ZFR2: variants seen among roughly 807,000 people sequenced by gnomAD.
ZFR2 encodes zinc finger RNA binding protein 2.
Under a neutral mutation model 105.7 loss-of-function variants are expected in ZFR2, and 104 were observed. The ratio of observed to expected loss-of-function variants is 0.98; its 90% confidence interval spans 0.84 to 1.16. The LOEUF (loss-of-function observed/expected upper bound fraction) is 1.16, where lower values mean the gene tolerates loss of function less well. Ranked by LOEUF, ZFR2 falls within the 50% of genes most tolerant of loss-of-function variation. The pLI, the probability that ZFR2 is intolerant of heterozygous loss-of-function variation, is 0.00. For missense variants in ZFR2, 1,425 were observed against 1,355.5 expected, an observed-to-expected ratio of 1.05 and a Z score of -0.80; for synonymous variants, 634 against 597.7, an observed-to-expected ratio of 1.06 and a Z score of -0.89.
chr19:3,831,896 G>A lies in ZFR2; in HGVS notation c.380-18C>T, dbSNP rs2038021496. 2 of 1,525,006 alleles carry A rather than the reference G, an allele frequency of 1.3e-6. No individual in the cohort carries two copies. Among genetic ancestry groups the A allele is most frequent in the Non-Finnish European group, 1.8e-6 (2 of 1,141,278 alleles). The allele number at this position is 1,525,006 out of a possible 1,614,324, so 94.5% of individuals were successfully genotyped here. On this transcript the variant is annotated intron_variant, in intron 3 of 18. Transcript: ENST00000262961. ...TTGGGTCCCTAGGGGACAGGGACAG[G>A]CCCTCTGCAGAGCCAACCCCCACCC...
Position 3,822,071 on chromosome 19 carries a change from C to CT in ZFR2, c.1491+9dup, listed in dbSNP as rs1568421477. 6.3e-7 allele frequency: 1 copy of CT among 1,591,518 alleles called. No individual in the cohort carries two copies. ...CGGACGGGTGTCGGAGCTCCCCCTG[C>CT]TGGACGCACCCGGTACTGCAGCCGG... is the stretch of plus-strand genomic sequence containing the variant. On this transcript the variant is annotated intron_variant, in intron 9 of 18. Coordinates refer to ENST00000262961, the MANE Select transcript of ZFR2 (RefSeq NM_015174.2).
intron 17 of ZFR2, among the ~76,000 whole-genome samples, chr19:3,808,238 CGT>C (rs965995241): frequency 4.6e-5 from 7 of 151,924 alleles, no homozygotes; most frequent in Admixed American, 6.6e-5. Flanking sequence ...TGCGTGTGCC[CGT>C]GTGTGCAAGT....
In ZFR2 at chr19:3,823,652, C is replaced by T. The variant is rs896143622; in HGVS notation, c.1214-249G>A. On this transcript the variant is annotated intron_variant, in intron 7 of 18. Coordinates refer to ENST00000262961, the MANE Select transcript of ZFR2 (RefSeq NM_015174.2). The surrounding 1 kb of genome is among the most constrained non-coding windows in gnomAD (Gnocchi z 5.4). Reference sequence around the variant, plus strand: ...GGGAGAAGCCCTGGTTTTAGGCCCTCGCTTGAGGAACCCACCGACAGCACA... The same window carrying T: ...GGGAGAAGCCCTGGTTTTAGGCCCTTGCTTGAGGAACCCACCGACAGCACA... Among the ~76,000 whole-genome samples the T allele has an allele frequency of 2.0e-5, 3 of 152,144 alleles. No individual in the cohort carries two copies. The highest frequency in any genetic ancestry group is 4.4e-5 in the Non-Finnish European group (3 of 68,028).
intron 1 of ZFR2, among the ~76,000 whole-genome samples, chr19:3,859,435 G>A (rs1395446089): frequency 6.6e-6 from 1 of 152,216 alleles, no homozygotes; most frequent in East Asian, 1.9e-4. Flanking sequence ...GTGACCGTGT[G>A]AGTCACTTCT....
intron 1 of ZFR2, among the ~76,000 whole-genome samples, chr19:3,868,646 C>T (rs2038462613): frequency 6.6e-6 from 1 of 151,772 alleles, no homozygotes; most frequent in Non-Finnish European, 1.5e-5. Context: ...AGGGGCTGAC[C>T]CCCCCGACCC....
At chr19:3,836,499 T>C (rs184958685) in intron 1 of ZFR2, among the ~76,000 whole-genome samples, 1 of 152,056 alleles carries the variant, frequency 6.6e-6, no homozygotes, top group South Asian at 2.1e-4. Context: ...TTTAAAAAAT[T>C]TTGGTAGAGG....
At chr19:3,809,377 G>A (rs2037737213) in intron 16 of ZFR2, among the ~76,000 whole-genome samples, 1 of 152,148 alleles carries the variant, frequency 6.6e-6, no homozygotes, top group African/African-American at 2.4e-5. Flanking sequence ...AGTGTCAGGT[G>A]CACTGTCCAC....
chr19:3,840,126 C>A (rs1459818972), intron 1 of ZFR2, among the ~76,000 whole-genome samples: 4 of 152,216 alleles, frequency 2.6e-5, no homozygotes, highest in African/African-American at 9.6e-5. Context: ...TTCTTCCCTA[C>A]GCTGTCCTCC....
intron 1 of ZFR2, among the ~76,000 whole-genome samples, chr19:3,862,344 C>T (rs2038382956): frequency 6.6e-6 from 1 of 152,208 alleles, no homozygotes; most frequent in African/African-American, 2.4e-5. Context: ...GTTGCCCAGG[C>T]TGGAGTGCAA....
chr19:3,866,681 G>C lies in ZFR2; in HGVS notation c.53+2284C>G, dbSNP rs374644844. On this transcript the variant is annotated intron_variant, in intron 1 of 18. Transcript: ENST00000262961. ...TGGAAGAATACAATGGAGAAAGAAA[G>C]AAGAGAAAGAGAAAAGAAGGAAGAG... Among the ~76,000 whole-genome samples, 7 of 152,294 alleles carry C rather than the reference G, an allele frequency of 4.6e-5. No homozygotes were observed. In the South Asian group the frequency reaches 1.4e-3, roughly 32 times the overall value.
chr19:3,819,101 G>A lies in ZFR2; in HGVS notation c.1875C>T (p.Ser625=), dbSNP rs370654631. The change falls in exon 12 of 19, where the codon TCC becomes TCT. Residue 625 remains serine (S), a synonymous_variant. Coordinates refer to ENST00000262961, the MANE Select transcript of ZFR2 (RefSeq NM_015174.2). ...SHAERALKLV[S]DTLAEEDRGR... ...CCCGGTCCTCCTCGGCCAGTGTGTC[G>A]GACACCAGCTTGAGGGCCCGCTCTG... The A allele has an allele frequency of 8.1e-6, 13 of 1,612,134 alleles. No homozygotes were observed. Among genetic ancestry groups the A allele is most frequent in the African/African-American group, 2.7e-5 (2 of 74,902 alleles).
chr19:3,817,801 C>T (rs372824737), intron 12 of ZFR2, among the ~76,000 whole-genome samples: 7 of 149,940 alleles, frequency 4.7e-5, no homozygotes, highest in South Asian at 2.1e-4. Flanking sequence ...GCTTCCTGGG[C>T]GCTCCTTGTA....
At chr19:3,807,145 AC>A in intron 18 of ZFR2, 26 bp downstream of exon 18, 11 of 1,526,292 alleles carry the variant, frequency 7.2e-6, no homozygotes, top group Non-Finnish European at 8.9e-6. Flanking sequence ...CCTGGGTGTC[AC>A]CCTTGCCGTG....
intron 1 of ZFR2, among the ~76,000 whole-genome samples, chr19:3,861,415 T>C (rs910511383): frequency 5.9e-5 from 9 of 151,516 alleles, no homozygotes; most frequent in Non-Finnish European, 1.3e-4. Flanking sequence ...TCACTTAAGC[T>C]CAGGAGTTTG....
Position 3,834,971 on chromosome 19 carries a change from C to T in ZFR2, c.66G>A (p.Pro22=). 3 of 1,610,132 alleles carry T rather than the reference C, an allele frequency of 1.9e-6. No homozygotes were observed. The highest frequency in any genetic ancestry group is 2.5e-6 in the Non-Finnish European group (3 of 1,178,786). ...CCCCCACAGTGGGCAGGGGAAGGGT[C>T]GGAGGCTGGGCGCTAGAACCACAAA... ...GGGPQYSAQP[P]TLPLPTVGAS... The change falls in exon 2 of 19, where the codon CCG becomes CCA. Residue 22 remains proline, a synonymous_variant. Transcript: ENST00000262961. The surrounding 1 kb of genome is among the most constrained non-coding windows in gnomAD (Gnocchi z 5.3).
At chr19:3,865,685 A>T (rs537152656) in intron 1 of ZFR2, among the ~76,000 whole-genome samples, 30 of 151,988 alleles carry the variant, frequency 2.0e-4, no homozygotes, top group Non-Finnish European at 3.7e-4. Flanking sequence ...AGCTAAGAAA[A>T]CCTACCCAAA....
chr19:3,831,073 A>G (rs2038008679), intron 5 of ZFR2, among the ~76,000 whole-genome samples: 3 of 151,896 alleles, frequency 2.0e-5, no homozygotes, highest in Non-Finnish European at 4.4e-5. Context: ...GTTTGCACAC[A>G]CATATGCACA....
At chr19:3,831,115 ACACACT>A (rs1191511609) in intron 5 of ZFR2, among the ~76,000 whole-genome samples, 182 bp downstream of exon 5, 1 of 152,064 alleles carries the variant, frequency 6.6e-6, no homozygotes, top group African/African-American at 2.4e-5. Flanking sequence ...ACGCACACAT[ACACACT>A]CACACTTGCA....
chr19:3,829,219 C>T (rs1349078820), intron 5 of ZFR2, among the ~76,000 whole-genome samples: 4 of 151,124 alleles, frequency 2.6e-5, no homozygotes, highest in Non-Finnish European at 5.9e-5. Flanking sequence ...ACCTCAGCCT[C>T]CCAAAGTGCT....
Sources: gnomAD v4.1 joint callset for allele counts (sites outside exome capture counted in the v4.1 genomes callset) on GRCh38, gnomAD v4.1.1 for gene constraint, Gnocchi (gnomAD v3.1) non-coding constraint, MANE v1.5 for transcripts, NCBI Gene and HGNC (gene_info 2026-07-23, HGNC 2026-07-21) for gene names.